PARD3: variants seen among roughly 807,000 people sequenced by gnomAD.
PARD3 encodes the protein partitioning defective 3 homolog.
A neutral mutation model predicts 155.4 loss-of-function variants in PARD3; 75 were observed. That is an observed-to-expected ratio of 0.48 (90% CI 0.40 to 0.58). PARD3 has a LOEUF of 0.58. Among genes scored for constraint, PARD3 ranks in the 20% least tolerant of loss-of-function variants. The pLI is 0.00. For missense variants in PARD3, 1,642 were observed against 1,721.7 expected, an observed-to-expected ratio of 0.95 and a Z score of 0.82; for synonymous variants, 576 against 610.5, an observed-to-expected ratio of 0.94 and a Z score of 0.83.
At chr10:34,350,636 G>C (rs75016095) in intron 14 of PARD3, among the ~76,000 whole-genome samples, 12,933 of 149,010 alleles carry the variant, frequency 0.087, 745 homozygotes, top group Non-Finnish European at 0.13. Context: ...ATCTTGGCGG[G>C]GGGGGAGGGG....
intron 19 of PARD3, among the ~76,000 whole-genome samples, chr10:34,318,330 T>C (rs960617310): frequency 2.0e-5 from 3 of 152,192 alleles, no homozygotes; most frequent in African/African-American, 7.2e-5. Flanking sequence ...CCAAATACAA[T>C]GAGAATTATA....
At chr10:34,136,598 G>A (rs185027313) in intron 22 of PARD3, among the ~76,000 whole-genome samples, 6 of 152,226 alleles carry the variant, frequency 3.9e-5, no homozygotes, top group Admixed American at 2.0e-4. Flanking sequence ...ATGAATTGTG[G>A]CAGGCTCTCC....
rs550372964 is a variant in PARD3, at chr10:34,285,574, T to C, written c.3066-1329A>G. Among the ~76,000 whole-genome samples, 354 of 146,930 alleles carry C rather than the reference T, an allele frequency of 2.4e-3. 1 individual carries two copies. Among genetic ancestry groups the C allele is most frequent in the Admixed American group, 3.8e-3 (56 of 14,786 alleles). On this transcript the variant is annotated intron_variant, in intron 20 of 24. Coordinates refer to ENST00000374788, the MANE Select transcript of PARD3 (RefSeq NM_001184785.2). The stretch of plus-strand genomic sequence containing the variant: ...CTGGGAAAAAGAGGGAGACCTTATT[T>C]CAAAAAAAAAAAAGAAAGAAAGAAA...
chr10:34,552,298 T>C (rs2084642859), intron 2 of PARD3, among the ~76,000 whole-genome samples: 1 of 152,214 alleles, frequency 6.6e-6, no homozygotes, highest in Non-Finnish European at 1.5e-5. Flanking sequence ...TATGTAGAGA[T>C]GCTATGTCAT....
chr10:34,414,157 C>A (rs1019148309), intron 5 of PARD3, among the ~76,000 whole-genome samples: 8 of 151,304 alleles, frequency 5.3e-5, no homozygotes, highest in African/African-American at 1.9e-4. Context: ...ATATTCATGC[C>A]GCTGCACTCC....
chr10:34,546,584 G>A (rs1012949016), intron 2 of PARD3, among the ~76,000 whole-genome samples: 37 of 151,224 alleles, frequency 2.4e-4, no homozygotes, highest in African/African-American at 9.0e-4. Flanking sequence ...CACCCGGGCT[G>A]GCCTGGCAAA....
intron 2 of PARD3, among the ~76,000 whole-genome samples, chr10:34,553,985 G>A (rs1411833576): frequency 6.6e-6 from 1 of 152,176 alleles, no homozygotes; most frequent in Non-Finnish European, 1.5e-5. Context: ...TTCCAGGCCA[G>A]GATACAAAAA....
chr10:34,180,886 C>A (rs183809901), intron 22 of PARD3, among the ~76,000 whole-genome samples: 1 of 152,090 alleles, frequency 6.6e-6, no homozygotes, highest in Non-Finnish European at 1.5e-5. Flanking sequence ...AACAGAACTG[C>A]AAACAGAAGA....
intron 2 of PARD3, among the ~76,000 whole-genome samples, chr10:34,609,807 C>A (rs186760900): frequency 6.6e-6 from 1 of 152,162 alleles, no homozygotes; most frequent in African/African-American, 2.4e-5. Context: ...TCCCAAAGTG[C>A]GCCCAGCCTC....
chr10:34,812,158 C>T (rs1197036255), intron 1 of PARD3, among the ~76,000 whole-genome samples: 1 of 152,210 alleles, frequency 6.6e-6, no homozygotes. Context: ...AGCTCACATG[C>T]AATGCCAGAA....
chr10:34,783,004 C>T (rs1044924632), intron 1 of PARD3, among the ~76,000 whole-genome samples: 2 of 152,114 alleles, frequency 1.3e-5, no homozygotes, highest in Admixed American at 6.5e-5. Flanking sequence ...GGATTACAGG[C>T]GTGAGCCACC....
intron 19 of PARD3, among the ~76,000 whole-genome samples, chr10:34,330,246 T>A (rs1051827359): frequency 6.6e-6 from 1 of 152,214 alleles, no homozygotes; most frequent in Non-Finnish European, 1.5e-5. Context: ...TTAGTAAATA[T>A]ATCGGTAGAG....
intron 20 of PARD3, among the ~76,000 whole-genome samples, chr10:34,285,701 A>G (rs1448829899): frequency 6.6e-6 from 1 of 152,166 alleles, no homozygotes; most frequent in African/African-American, 2.4e-5. Context: ...TACAAATCTG[A>G]TTTCCAATAC....
intron 1 of PARD3, among the ~76,000 whole-genome samples, chr10:34,808,678 G>A (rs1370422158): frequency 6.6e-6 from 1 of 152,100 alleles, no homozygotes; most frequent in Non-Finnish European, 1.5e-5. Context: ...TCATCTATGG[G>A]GAGCTCAACA....
rs192911662 is a variant in PARD3, at chr10:34,191,192, T to C, written c.3420-59609A>G. On this transcript the variant is annotated intron_variant, in intron 22 of 24. Coordinates refer to ENST00000374788, the MANE Select transcript of PARD3 (RefSeq NM_001184785.2). ...GTAAGAAATAAAAATGGCCTAGTGA[T>C]AGCATTGGCAATTTGCAAGGAGAAG... Among the ~76,000 whole-genome samples, 184 of 152,060 alleles carry C rather than the reference T, an allele frequency of 1.2e-3. 3 individuals are homozygous for C. Among genetic ancestry groups the C allele is most frequent in the African/African-American group, 4.3e-3 (178 of 41,490 alleles).
chr10:34,549,264 C>G (rs1008353962), intron 2 of PARD3, among the ~76,000 whole-genome samples: 1 of 152,182 alleles, frequency 6.6e-6, no homozygotes, highest in African/African-American at 2.4e-5. Context: ...ACCCACAGTA[C>G]AGTCTTATTT....
intron 2 of PARD3, among the ~76,000 whole-genome samples, chr10:34,533,104 T>A (rs575374516): frequency 2.6e-5 from 4 of 152,206 alleles, no homozygotes; most frequent in African/African-American, 9.6e-5. Context: ...AATAAGAATA[T>A]GGGATTATAA....
chr10:34,139,310 G>A (rs1948062273), intron 22 of PARD3, among the ~76,000 whole-genome samples: 1 of 152,138 alleles, frequency 6.6e-6, no homozygotes, highest in South Asian at 2.1e-4. Context: ...GGAGGTTCTT[G>A]CACTTCAGTC....
At chr10:34,395,706 G>A (rs1439453012) in intron 7 of PARD3, among the ~76,000 whole-genome samples, 2 of 79,584 alleles carry the variant, frequency 2.5e-5, no homozygotes, top group Non-Finnish European at 4.3e-5. Flanking sequence ...GCGCGGTGGC[G>A]GGCGCCTGTA....
Sources: allele counts gnomAD v4.1 joint callset (sites outside exome capture counted in the v4.1 genomes callset), GRCh38; gene constraint gnomAD v4.1.1; transcripts MANE v1.5; gene names NCBI Gene and HGNC (gene_info 2026-07-23, HGNC 2026-07-21).